The following TRIM38 variants were observed in gnomAD, a reference collection of about 807,000 sequenced individuals.
TRIM38 encodes the protein E3 ubiquitin-protein ligase TRIM38.
TRIM38 carries 35 observed loss-of-function variants against 35.8 expected under a neutral mutation model. The observed-to-expected ratio is 0.98, with a 90% confidence interval of 0.75 to 1.30. TRIM38 has a LOEUF of 1.30. Ranked by LOEUF, TRIM38 falls within the 50% of genes most tolerant of loss-of-function variation. TRIM38 has a pLI of 0.00. For synonymous variants in TRIM38, 198 were observed against 204.7 expected, an observed-to-expected ratio of 0.97 and a Z score of 0.28; for missense variants, 545 against 556.9, an observed-to-expected ratio of 0.98 and a Z score of 0.21.
rs1392272703 is a variant in TRIM38 at position 25,987,801 on chromosome 6, A to G, written c.*4114A>G. 6.6e-6 allele frequency: 1 copy of G among 152,240 alleles called. No homozygotes were observed. Among genetic ancestry groups the G allele is most frequent in the East Asian group, 1.9e-4 (1 of 5,200 alleles). 9.4% of individuals were successfully genotyped at this position (152,240 alleles called of 1,614,324 possible). On this transcript the variant is annotated 3_prime_UTR_variant, in exon 8 of 8. Coordinates refer to ENST00000357085, the MANE Select transcript of TRIM38 (RefSeq NM_006355.5). ...CATGTATTCACCATTATAGTATCAC[A>G]GAAGTTTCACTGCCCTAAAAATCCT...
rs1018649037 is a variant in TRIM38, at chr6:25,966,472, C to T, written c.-51C>T. 9 of 1,518,364 alleles carry T rather than the reference C, an allele frequency of 5.9e-6. No individual in the cohort carries two copies. The highest frequency in any genetic ancestry group is 7.9e-6 in the Non-Finnish European group (9 of 1,137,398). The allele number at this position is 1,518,364 out of a possible 1,614,324, so 94.1% of individuals were successfully genotyped here. A position where few individuals can be genotyped will look rare whatever the true frequency, so the allele number is the denominator to read the frequency against. On this transcript the variant is annotated 5_prime_UTR_variant, in exon 3 of 8. Transcript: ENST00000357085. ...TTTTCATCACGGTGGAAAATTCTGG[C>T]TGCTTCATCTCCATCTCTAGAGCCA...
chr6:25,987,196 G>C lies in TRIM38; in HGVS notation c.*3509G>C, dbSNP rs1369194493. On this transcript the variant is annotated 3_prime_UTR_variant, in exon 8 of 8. Coordinates refer to ENST00000357085, the MANE Select transcript of TRIM38 (RefSeq NM_006355.5). ...CTCATTGATATAAAAGCTTAACAAAGGTACTCCCCGCCCCCCGCCCGCCAC... is the reference window on the plus strand; with the variant it reads ...CTCATTGATATAAAAGCTTAACAAACGTACTCCCCGCCCCCCGCCCGCCAC... The C allele has an allele frequency of 1.1e-5, 1 of 92,468 alleles. No individual in the cohort carries two copies. The highest frequency in any genetic ancestry group is 1.1e-4 in the Admixed American group (1 of 9,224). 5.7% of individuals were successfully genotyped at this position (92,468 alleles called of 1,614,324 possible).
At chr6:25,963,914 A>C (rs9467653) in intron 2 of TRIM38, among the ~76,000 whole-genome samples, 1 of 150,962 alleles carries the variant, frequency 6.6e-6, no homozygotes, top group Non-Finnish European at 1.5e-5. Flanking sequence ...CTGAAAGCAA[A>C]AACAACAACA....
intron 5 of TRIM38, 28 bp downstream of exon 5, chr6:25,972,127 A>G (rs947350937): frequency 1.3e-6 from 2 of 1,595,634 alleles, no homozygotes; most frequent in Admixed American, 1.7e-5. Context: ...GAGTAGGGAA[A>G]AAAGGTATGT....
intron 7 of TRIM38, chr6:25,973,779 G>A (rs1202739298): frequency 1.0e-6 from 1 of 985,286 alleles, no homozygotes; most frequent in Non-Finnish European, 1.2e-6. Context: ...TTAGGAACTT[G>A]ACTTAGATAA....
At chr6:25,975,672 T>G (rs1321130081) in intron 7 of TRIM38, 9 of 977,322 alleles carry the variant, frequency 9.2e-6, no homozygotes, top group Non-Finnish European at 1.1e-5. Flanking sequence ...ATCTGACTTC[T>G]CTAGGTAGGG....
intron 7 of TRIM38, among the ~76,000 whole-genome samples, chr6:25,976,637 T>C (rs1760401633): frequency 6.6e-6 from 1 of 152,188 alleles, no homozygotes; most frequent in South Asian, 2.1e-4. Context: ...GGTTTTTTTG[T>C]TGTTGTTGCT....
At chr6:25,973,921 A>G in intron 7 of TRIM38, 1 of 971,320 alleles carries the variant, frequency 1.0e-6, no homozygotes, top group Non-Finnish European at 1.2e-6. Context: ...TAAGTACAAA[A>G]TCAAAAAAAC....
chr6:25,973,260 G>A lies in TRIM38; in HGVS notation c.849G>A (p.Val283=). ...MCNVSKLYFD[V]KKMLRSHQVS... ...ATGTTTCCAAGCTTTACTTCGATGT[G>A]AAGAAAATGTTAAGGAGTCATCAAG... The change falls in exon 7 of 8, where the codon GTG becomes GTA. Residue 283 remains valine (V), a synonymous_variant. Coordinates refer to ENST00000357085, the MANE Select transcript of TRIM38 (RefSeq NM_006355.5). 1 of 1,613,886 alleles carries A rather than the reference G, an allele frequency of 6.2e-7. No individual in the cohort carries two copies. Among genetic ancestry groups the A allele is most frequent in the East Asian group, 2.2e-5 (1 of 44,878 alleles).
In TRIM38 at chr6:25,969,350, A is replaced by T. The variant is rs747980742; in HGVS notation, c.437A>T (p.Lys146Ile). The change falls in exon 4 of 8, where the codon AAA (lysine) becomes ATA (isoleucine). Residue 146 changes from lysine (K) to isoleucine (I), a missense_variant. By Grantham distance (102) the Lys-to-Ile change is moderately radical (BLOSUM62 -3). Coordinates refer to ENST00000357085, the MANE Select transcript of TRIM38 (RefSeq NM_006355.5). The stretch of plus-strand genomic sequence containing the variant: ...GAAAAGCTCCAGAAAGCTGTGACAA[A>T]ACTGAAGCAACTTGAAGACAGATGT... ...YKEKLQKAVTKLKQLEDRCTE... is the reference protein window; with the variant it reads ...YKEKLQKAVTILKQLEDRCTE... 3 of 1,612,924 alleles carry T rather than the reference A, an allele frequency of 1.9e-6. No homozygotes were observed. The highest frequency in any genetic ancestry group is 2.5e-6 in the Non-Finnish European group (3 of 1,179,428).
chr6:25,964,671 C>T (rs975677244), intron 2 of TRIM38, among the ~76,000 whole-genome samples: 6 of 152,110 alleles, frequency 3.9e-5, no homozygotes, highest in South Asian at 2.1e-4. Context: ...TCTCTAAGGG[C>T]CTTTAATTCA....
At chr6:25,962,883 G>C in intron 1 of TRIM38, 28 bp downstream of exon 1, 1 of 152,534 alleles carries the variant, frequency 6.6e-6, no homozygotes, top group Non-Finnish European at 1.5e-5. Flanking sequence ...GAAGGTTACG[G>C]AAAAGGTCCA....
rs1183407847 is a variant in TRIM38 at position 25,966,750 on chromosome 6, G to A, written c.228G>A (p.Gln76=). 3 of 1,614,174 alleles carry A rather than the reference G, an allele frequency of 1.9e-6. No homozygotes were observed. Among genetic ancestry groups the A allele is most frequent in the Non-Finnish European group, 1.7e-6 (2 of 1,180,040 alleles). ...FHMDSLRPNK[Q]LGSLIEALKE... ...TGGATAGCCTCCGACCCAACAAGCA[G>A]CTGGGAAGCCTCATTGAAGCCCTCA... The change falls in exon 3 of 8, where the codon CAG becomes CAA. Residue 76 remains glutamine, a synonymous_variant. Coordinates refer to ENST00000357085, the MANE Select transcript of TRIM38 (RefSeq NM_006355.5).
intron 4 of TRIM38, among the ~76,000 whole-genome samples, chr6:25,971,504 TTTACATTG>T (rs1163644382): frequency 6.6e-6 from 1 of 152,176 alleles, no homozygotes; most frequent in Non-Finnish European, 1.5e-5. Context: ...ATTAAGTGCT[TTTACATTG>T]TTACATTGTT....
In TRIM38 at chr6:25,983,749, G is replaced by A; in HGVS notation, c.*62G>A. The A allele has an allele frequency of 2.8e-6, 4 of 1,445,838 alleles. No individual in the cohort carries two copies. The Admixed American group carries it at 6.9e-5, about 25-fold the overall frequency. The allele number at this position is 1,445,838 out of a possible 1,614,324, so 89.6% of individuals were successfully genotyped here. ...GAGAAAATAATATAAATCCCATAAGGGCAGACGTTTGGTCTGTTTTCTTCG... is the reference window on the plus strand; with the variant it reads ...GAGAAAATAATATAAATCCCATAAGAGCAGACGTTTGGTCTGTTTTCTTCG... On this transcript the variant is annotated 3_prime_UTR_variant, in exon 8 of 8. Coordinates refer to ENST00000357085, the MANE Select transcript of TRIM38 (RefSeq NM_006355.5).
At chr6:25,975,570 G>A (rs987661432) in intron 7 of TRIM38, 2 of 957,408 alleles carry the variant, frequency 2.1e-6, no homozygotes, top group African/African-American at 3.5e-5. Flanking sequence ...ATTTTACATT[G>A]CCTTCAAGCA....
In TRIM38 at chr6:25,971,933, A is replaced by T; in HGVS notation, c.572A>T (p.His191Leu). The change falls in exon 5 of 8, where the codon CAT becomes CTT. Residue 191 changes from histidine to leucine, a missense_variant. By Grantham distance (99) the His-to-Leu change is moderately conservative. Transcript: ENST00000357085. ...SDFKNLQCFLHEEEKSYLWRL... is the reference protein window; with the variant it reads ...SDFKNLQCFLLEEEKSYLWRL... Reference sequence around the variant, plus strand: ...TTTAAGAATCTCCAGTGTTTCCTACATGAGGAAGAGAAGTCTTATCTCTGG... The same window carrying T: ...TTTAAGAATCTCCAGTGTTTCCTACTTGAGGAAGAGAAGTCTTATCTCTGG... The T allele has an allele frequency of 1.2e-6, 2 of 1,614,208 alleles. No individual in the cohort carries two copies. The highest frequency in any genetic ancestry group is 1.7e-6 in the Non-Finnish European group (2 of 1,180,026).
In TRIM38 at chr6:25,966,952, G is replaced by T. The variant is rs1760077820; in HGVS notation, c.411+19G>T. ...CTACAAGGTGAGTGTGTGGGCCCGG[G>T]AGCTTTGGTAAGTACCAAGTCTTAT... On this transcript the variant is annotated intron_variant, in intron 3 of 7. Transcript: ENST00000357085. The T allele has an allele frequency of 6.3e-7, 1 of 1,581,312 alleles. No homozygotes were observed. Among genetic ancestry groups the T allele is most frequent in the Admixed American group, 1.7e-5 (1 of 57,678 alleles).
chr6:25,966,212 C>T (rs1008910671), intron 2 of TRIM38, 123 bp from the exon 3 acceptor site: 8 of 273,484 alleles, frequency 2.9e-5, no homozygotes, highest in Admixed American at 9.6e-5. Context: ...TTTAAAACTG[C>T]TTTTTTTCCT....
Sources: gnomAD v4.1 joint callset for allele counts (sites outside exome capture counted in the v4.1 genomes callset) on GRCh38, gnomAD v4.1.1 for gene constraint, MANE v1.5 for transcripts, NCBI Gene and HGNC (gene_info 2026-07-23, HGNC 2026-07-21) for gene names.